Variants in SYT1 observed in about 807,000 individuals in gnomAD.
The protein encoded by SYT1 is synaptotagmin 1.
Under a neutral mutation model 44.8 loss-of-function variants are expected in SYT1, and 8 were observed. That is an observed-to-expected ratio of 0.18 (90% confidence interval 0.10 to 0.32). SYT1 has a LOEUF of 0.32. SYT1 is among the 10% of genes least tolerant of loss of function. The pLI is 1.00. For missense variants in SYT1, 286 were observed against 509.3 expected (o/e 0.56, Z 4.22); for synonymous variants, 154 against 188.8 (o/e 0.82, Z 1.51).
chr12:78,876,463 G>GTT (rs1555177002), intron 1 of SYT1, among the ~76,000 whole-genome samples: 30 of 41,538 alleles, frequency 7.2e-4, no homozygotes, highest in Non-Finnish European at 9.8e-4. Context: ...AAATGGAGGT[G>GTT]TTTTTTTTTT....
intron 9 of SYT1, among the ~76,000 whole-genome samples, chr12:79,389,138 A>G (rs1239333398): frequency 6.6e-6 from 1 of 152,202 alleles, no homozygotes; most frequent in Non-Finnish European, 1.5e-5. Flanking sequence ...ATTCACATAA[A>G]CAAACCCTGA....
intron 3 of SYT1, among the ~76,000 whole-genome samples, chr12:79,192,763 C>T (rs1256669030): frequency 2.0e-5 from 3 of 152,118 alleles, no homozygotes; most frequent in African/African-American, 7.2e-5. Flanking sequence ...CCAACATTGA[C>T]CTCACAGTAT....
In SYT1 at chr12:79,012,222, G is replaced by A. The variant is rs552419608; in HGVS notation, c.-84+34291G>A. Among the ~76,000 whole-genome samples, 122 of 152,048 alleles carry A rather than the reference G, an allele frequency of 8.0e-4. 1 individual carries two copies. The highest frequency in any genetic ancestry group is 2.5e-3 in the African/African-American group (102 of 41,476). ...TACCTGAGAACCTGGAATTTGTAGCGGTAAGAGGTCCAGACTCTATTTTTG... is the reference window on the plus strand; with the variant it reads ...TACCTGAGAACCTGGAATTTGTAGCAGTAAGAGGTCCAGACTCTATTTTTG... On this transcript the variant is annotated intron_variant, in intron 2 of 10. Coordinates refer to ENST00000261205, the MANE Select transcript of SYT1 (RefSeq NM_005639.3).
chr12:78,968,250 C>G (rs1868295106), intron 1 of SYT1, among the ~76,000 whole-genome samples: 1 of 151,992 alleles, frequency 6.6e-6, no homozygotes, highest in African/African-American at 2.4e-5. Context: ...ATTCTTAACC[C>G]AAAATCACGG....
intron 2 of SYT1, among the ~76,000 whole-genome samples, chr12:78,998,236 G>C (rs1339869516): frequency 6.6e-6 from 1 of 152,136 alleles, no homozygotes; most frequent in Non-Finnish European, 1.5e-5. Context: ...GACCAAGCAT[G>C]GAGATATTTT....
chr12:79,180,991 C>T (rs982072231), intron 3 of SYT1, among the ~76,000 whole-genome samples: 1 of 151,958 alleles, frequency 6.6e-6, no homozygotes, highest in Non-Finnish European at 1.5e-5. Flanking sequence ...GGTGATTTTC[C>T]CCTCTTCACT....
chr12:79,432,276 A>G (rs951716931), intron 9 of SYT1, among the ~76,000 whole-genome samples: 2 of 151,448 alleles, frequency 1.3e-5, no homozygotes, highest in African/African-American at 4.9e-5. Context: ...GGTTTGTTAC[A>G]TATGTATACA....
intron 2 of SYT1, among the ~76,000 whole-genome samples, chr12:79,014,891 A>G (rs1323338165): frequency 6.6e-6 from 1 of 152,102 alleles, no homozygotes; most frequent in Admixed American, 6.5e-5. Context: ...ATAAAAAATG[A>G]TGAGTTCATG....
At chr12:79,224,532 G>A (rs1021071767) in intron 4 of SYT1, among the ~76,000 whole-genome samples, 1 of 151,974 alleles carries the variant, frequency 6.6e-6, no homozygotes, top group Non-Finnish European at 1.5e-5. Context: ...CTACCTGGAA[G>A]AGCAAGAAGC....
intron 3 of SYT1, among the ~76,000 whole-genome samples, chr12:79,117,547 A>C (rs1879340825): frequency 6.6e-6 from 1 of 150,494 alleles, no homozygotes; most frequent in Admixed American, 6.6e-5. Context: ...CCACAGTTTC[A>C]GGCCTGATAG....
At chr12:79,409,803 G>A (rs185440053) in intron 9 of SYT1, among the ~76,000 whole-genome samples, 70 of 151,990 alleles carry the variant, frequency 4.6e-4, no homozygotes, top group Non-Finnish European at 8.8e-4. Context: ...GAGTTCCAGC[G>A]AGTTTCTCTG....
At chr12:78,906,803 T>C (rs538317605) in intron 1 of SYT1, among the ~76,000 whole-genome samples, 1 of 152,222 alleles carries the variant, frequency 6.6e-6, no homozygotes, top group East Asian at 1.9e-4. Flanking sequence ...CCCTAGGCCG[T>C]ATTGATCATT....
At chr12:79,397,557 T>C (rs887899532) in intron 9 of SYT1, among the ~76,000 whole-genome samples, 1 of 152,206 alleles carries the variant, frequency 6.6e-6, no homozygotes, top group African/African-American at 2.4e-5. Context: ...AAAGGAGATC[T>C]GCCTGCATTT....
intron 2 of SYT1, among the ~76,000 whole-genome samples, chr12:79,020,296 T>C (rs1280462389): frequency 1.3e-5 from 2 of 151,984 alleles, no homozygotes; most frequent in African/African-American, 2.4e-5. Flanking sequence ...CATCTGTGCC[T>C]GTGGTTAACA....
intron 9 of SYT1, among the ~76,000 whole-genome samples, chr12:79,380,356 A>G (rs968649701): frequency 6.6e-6 from 1 of 152,186 alleles, no homozygotes; most frequent in African/African-American, 2.4e-5. Context: ...CCTTATTCAC[A>G]ATCAGCAAAT....
intron 4 of SYT1, among the ~76,000 whole-genome samples, chr12:79,256,740 G>A (rs1877541232): frequency 6.6e-6 from 1 of 152,156 alleles, no homozygotes; most frequent in African/African-American, 2.4e-5. Flanking sequence ...CAGTTACTCT[G>A]CCTGATACAG....
rs547837884 is a variant in SYT1 at position 79,035,531 on chromosome 12, C to T, written c.-83-11766C>T. 3.5e-3 allele frequency among the ~76,000 whole-genome samples: 519 copies of T among 149,308 alleles called. 2 individuals carry two copies. Among genetic ancestry groups the T allele is most frequent in the Non-Finnish European group, 5.4e-3 (359 of 66,880 alleles). The stretch of plus-strand genomic sequence containing the variant: ...ATCAGAATCTGTGTAGATATCAATA[C>T]CTTCTGGAAATGAAATAATTCCTTT... On this transcript the variant is annotated intron_variant, in intron 2 of 10. Transcript: ENST00000261205.
At chr12:78,909,165 C>A (rs1462287031) in intron 1 of SYT1, among the ~76,000 whole-genome samples, 6 of 151,752 alleles carry the variant, frequency 4.0e-5, no homozygotes, top group African/African-American at 4.8e-5. Flanking sequence ...CTCCCATTCA[C>A]AATTTTATTA....
intron 9 of SYT1, among the ~76,000 whole-genome samples, chr12:79,431,508 A>ATT (rs34091989): frequency 4.2e-5 from 6 of 141,736 alleles, no homozygotes; most frequent in South Asian, 4.3e-4. Context: ...ATTTTATTTT[A>ATT]TTTTATTATT....
Sources: allele counts gnomAD v4.1 joint callset (sites outside exome capture counted in the v4.1 genomes callset), GRCh38; gene constraint gnomAD v4.1.1; transcripts MANE v1.5; gene names NCBI Gene and HGNC (gene_info 2026-07-23, HGNC 2026-07-21).